LIMA1: variants seen among roughly 807,000 people sequenced by gnomAD.
LIMA1 encodes LIM domain and actin binding 1.
A neutral mutation model predicts 62.6 loss-of-function variants in LIMA1; 52 were observed. The observed-to-expected ratio is 0.83, with a 90% CI of 0.67 to 1.05. The LOEUF (loss-of-function observed/expected upper bound fraction) is 1.05, where lower values mean the gene tolerates loss of function less well. Ranked by LOEUF, LIMA1 falls within the 50% of genes least tolerant of loss-of-function variation. The pLI is 0.00. For synonymous variants in LIMA1, 302 were observed against 317.8 expected (o/e 0.95, Z 0.53); for missense variants, 780 against 902.2 (o/e 0.86, Z 1.74).
intron 1 of LIMA1, among the ~76,000 whole-genome samples, chr12:50,268,158 A>G (rs1942162293): frequency 6.6e-6 from 1 of 152,144 alleles, no homozygotes; most frequent in African/African-American, 2.4e-5. Context: ...CCGCTTGACT[A>G]TACAGATGAG....
At chr12:50,275,450 C>T (rs1449173147) in intron 1 of LIMA1, among the ~76,000 whole-genome samples, 1 of 151,974 alleles carries the variant, frequency 6.6e-6, no homozygotes, top group South Asian at 2.1e-4. Flanking sequence ...GTTCTCATAC[C>T]TAAAAGGCTT....
In LIMA1 at chr12:50,177,824, C is replaced by A; in HGVS notation, c.1520G>T (p.Ser507Ile). ...CTGAGAGGAGGCCTTGGCTTCCATA[C>A]TTGCAGCCAGGACACCCACCTTAGC... ...PIAKVGVLAA[S>I]MEAKASSQQE... The change falls in exon 11 of 11, where the codon AGT becomes ATT. Residue 507 changes from serine (S) to isoleucine (I), a missense_variant. Transcript: ENST00000341247. 6.2e-7 allele frequency: 1 copy of A among 1,613,534 alleles called. No individual in the cohort carries two copies. Among genetic ancestry groups the A allele is most frequent in the Non-Finnish European group, 8.5e-7 (1 of 1,179,724 alleles).
At chr12:50,204,723 T>C (rs757886554) in intron 5 of LIMA1, 23 bp from the exon 6 acceptor site, 3 of 1,611,376 alleles carry the variant, frequency 1.9e-6, no homozygotes, top group Non-Finnish European at 2.5e-6. Context: ...AAATAACATG[T>C]TTTATTTTAT....
chr12:50,254,138 A>G (rs1941964380), intron 1 of LIMA1, among the ~76,000 whole-genome samples: 1 of 152,042 alleles, frequency 6.6e-6, no homozygotes, highest in Non-Finnish European at 1.5e-5. Context: ...CATTCTCTTC[A>G]GTCATATGCA....
chr12:50,217,693 C>A, intron 4 of LIMA1: 1 of 251,142 alleles, frequency 4.0e-6, no homozygotes, highest in South Asian at 4.9e-5. Flanking sequence ...GGGCAGCACC[C>A]GCAGGTCTAC....
rs776901156 is a variant in LIMA1, at chr12:50,177,192, C to A, written c.2152G>T (p.Glu718Ter). ...GATTTCTGATTCTGAGTAGTGAATT[C>A]TTCAGCAAAGGTGTTGTCTACAAAA... is the stretch of plus-strand genomic sequence containing the variant. ...SSFVDNTFAE[E>*]FTTQNQKSQD... Residue 718 changes from glutamate to a stop codon, truncating the protein, a stop_gained, in exon 11 of 11, where the codon GAA becomes TAA. Transcript: ENST00000341247. LOFTEE classifies it high-confidence loss of function. 2 of 1,614,108 alleles carry A rather than the reference C, an allele frequency of 1.2e-6. No individual in the cohort carries two copies. The highest frequency in any genetic ancestry group is 1.1e-5 in the South Asian group (1 of 91,042).
chr12:50,265,356 A>C (rs1942127206), intron 1 of LIMA1, among the ~76,000 whole-genome samples: 1 of 152,006 alleles, frequency 6.6e-6, no homozygotes, highest in African/African-American at 2.4e-5. Context: ...CCCCATCTCT[A>C]CTAAAAATAC....
chr12:50,181,762 C>T, intron 10 of LIMA1, 142 bp downstream of exon 10: 1 of 842,964 alleles, frequency 1.2e-6, no homozygotes, highest in Non-Finnish European at 1.8e-6. Flanking sequence ...AGACTTGTCA[C>T]TAAATGATGC....
chr12:50,227,260 A>C (rs1168271436), intron 3 of LIMA1, among the ~76,000 whole-genome samples: 1 of 108,316 alleles, frequency 9.2e-6, no homozygotes, highest in East Asian at 2.5e-4. Flanking sequence ...TTTTTTTGAG[A>C]TGGAGTCTTG....
At chr12:50,229,592 T>G (rs1941579565) in intron 3 of LIMA1, among the ~76,000 whole-genome samples, 1 of 151,984 alleles carries the variant, frequency 6.6e-6, no homozygotes, top group African/African-American at 2.4e-5. Context: ...ATACCTAATG[T>G]AAATGACGAG....
rs146805564 is a variant in LIMA1 at position 50,177,533 on chromosome 12, C to G, written c.1811G>C (p.Ser604Thr). The G allele has an allele frequency of 1.9e-5, 30 of 1,611,238 alleles. No homozygotes were observed. Among genetic ancestry groups the G allele is most frequent in the Non-Finnish European group, 2.4e-5 (28 of 1,178,890 alleles). Residue 604 changes from serine to threonine, a missense_variant, in exon 11 of 11, where the codon AGC becomes ACC. Ser to Thr is a moderately conservative substitution (Grantham distance 58). Transcript: ENST00000341247. ...AASFQSTSVK[S>T]PKTVSPPIRK... ...GATAGGTGGGGACACAGTTTTTGGG[C>G]TCTTGACAGAGGTGCTTTGAAATGA... is the stretch of plus-strand genomic sequence containing the variant.
Position 50,248,704 on chromosome 12 carries a change from C to T in LIMA1, c.48G>A (p.Leu16=). The T allele has an allele frequency of 6.2e-7, 1 of 1,613,682 alleles. No individual in the cohort carries two copies. The highest frequency in any genetic ancestry group is 8.5e-7 in the Non-Finnish European group (1 of 1,179,578). The change falls in exon 2 of 11, where the codon TTG becomes TTA. Residue 16 remains leucine (L), a synonymous_variant. Transcript: ENST00000341247. The stretch of plus-strand genomic sequence containing the variant: ...GAGAAAGTTCTTTGGCTGTTACCCT[C>T]AATGATAGTGAGGTCCATTGCCGTC... The part of the protein sequence containing the change: ...FNRRQWTSLS[L]RVTAKELSLV...
chr12:50,242,180 G>C (rs921971339), intron 2 of LIMA1, among the ~76,000 whole-genome samples: 5 of 151,342 alleles, frequency 3.3e-5, no homozygotes, highest in Non-Finnish European at 7.4e-5. Context: ...GGAATGCTGA[G>C]CCAAAAAGGG....
chr12:50,210,556 G>C (rs934787064), intron 4 of LIMA1, among the ~76,000 whole-genome samples: 1 of 152,154 alleles, frequency 6.6e-6, no homozygotes, highest in Non-Finnish European at 1.5e-5. Flanking sequence ...AACCTGCAGA[G>C]AGCTGTTTTC....
At chr12:50,222,678 G>C (rs1323945224) in intron 3 of LIMA1, 193 bp from the exon 4 acceptor site, 2 of 1,498,284 alleles carry the variant, frequency 1.3e-6, no homozygotes, top group Non-Finnish European at 1.8e-6. Flanking sequence ...GAGGGGAAGA[G>C]AGAAAAACTC....
intron 4 of LIMA1, among the ~76,000 whole-genome samples, chr12:50,210,006 A>G (rs1941225407): frequency 6.6e-6 from 1 of 152,226 alleles, no homozygotes. Flanking sequence ...TTTGCTGATC[A>G]TTAAAATAAA....
chr12:50,220,893 CAG>C (rs1802041917), intron 4 of LIMA1, among the ~76,000 whole-genome samples: 1 of 152,174 alleles, frequency 6.6e-6, no homozygotes, highest in African/African-American at 2.4e-5. Context: ...AGCTCATGCA[CAG>C]AGAAGTGTTG....
At chr12:50,216,720 C>A (rs558309748) in intron 4 of LIMA1, among the ~76,000 whole-genome samples, 1 of 151,854 alleles carries the variant, frequency 6.6e-6, no homozygotes, top group African/African-American at 2.4e-5. Flanking sequence ...AAAAGTTAGC[C>A]GGGAATGGCA....
chr12:50,200,882 A>G lies in LIMA1; in HGVS notation c.867T>C (p.Asn289=). The change falls in exon 7 of 11, where the codon AAT becomes AAC. Residue 289 remains asparagine (N), a splice_region_variant and synonymous_variant. Coordinates refer to ENST00000341247, the MANE Select transcript of LIMA1 (RefSeq NM_016357.5). ...TTTCGCCACCACTGGCTTTCAGCTC[A>G]TTCTACAAAATAAAAATAACTGTAA... The part of the protein sequence containing the change: ...SKQSSSTNYT[N]ELKASGGEIK... The G allele has an allele frequency of 6.2e-7, 1 of 1,612,432 alleles. No individual in the cohort carries two copies. Among genetic ancestry groups the G allele is most frequent in the Non-Finnish European group, 8.5e-7 (1 of 1,179,584 alleles).
Sources: allele counts gnomAD v4.1 joint callset (sites outside exome capture counted in the v4.1 genomes callset), GRCh38; gene constraint gnomAD v4.1.1; transcripts MANE v1.5; gene names NCBI Gene and HGNC (gene_info 2026-07-23, HGNC 2026-07-21).